Variants in CTNNA3 observed in about 807,000 individuals in gnomAD.
The protein encoded by CTNNA3 is catenin alpha-3.
CTNNA3 carries 76 observed loss-of-function variants against 95.7 expected under a neutral mutation model. The observed-to-expected ratio is 0.79, with a 90% CI of 0.66 to 0.96. CTNNA3 has a LOEUF of 0.96. CTNNA3 is among the 40% of genes least tolerant of loss of function. The probability of loss-of-function intolerance (pLI) is 0.00; values close to 1 mark genes in which losing one functional copy is unlikely to be tolerated. For missense variants in CTNNA3, 1,191 were observed against 1,089.8 expected, an observed-to-expected ratio of 1.09 and a Z score of -1.31; for synonymous variants, 431 against 374.4, an observed-to-expected ratio of 1.15 and a Z score of -1.74.
intron 11 of CTNNA3, among the ~76,000 whole-genome samples, chr10:66,416,270 T>A (rs533822568): frequency 4.8e-4 from 72 of 150,542 alleles, no homozygotes; most frequent in African/African-American, 1.4e-3. Flanking sequence ...ACACATTTTT[T>A]AAAAAAAAAG....
chr10:66,068,989 C>G (rs546212134), intron 15 of CTNNA3, among the ~76,000 whole-genome samples: 1 of 152,078 alleles, frequency 6.6e-6, no homozygotes, highest in Non-Finnish European at 1.5e-5. Context: ...CCAATACCAG[C>G]GAATCACTTG....
intron 7 of CTNNA3, among the ~76,000 whole-genome samples, chr10:66,871,452 C>T (rs1371071937): frequency 6.6e-6 from 1 of 151,184 alleles, no homozygotes; most frequent in Non-Finnish European, 1.5e-5. Context: ...ATCCCAGCTA[C>T]TCGGGAGGCT....
intron 11 of CTNNA3, among the ~76,000 whole-genome samples, chr10:66,397,128 T>C (rs541769740): frequency 1.3e-5 from 2 of 151,808 alleles, no homozygotes; most frequent in East Asian, 3.9e-4. Flanking sequence ...AAACTCCTAA[T>C]TGTAGTTTTC....
chr10:67,072,942 T>C (rs1000580851), intron 7 of CTNNA3, among the ~76,000 whole-genome samples: 7 of 151,434 alleles, frequency 4.6e-5, no homozygotes, highest in Non-Finnish European at 7.4e-5. Flanking sequence ...TGGAGAAAGA[T>C]GTGTGTTTTA....
chr10:66,150,257 C>A (rs997944558), intron 13 of CTNNA3, among the ~76,000 whole-genome samples: 2 of 152,138 alleles, frequency 1.3e-5, no homozygotes, highest in Non-Finnish European at 2.9e-5. Context: ...TCTGCACAAG[C>A]TCTCTTTGCC....
intron 7 of CTNNA3, among the ~76,000 whole-genome samples, chr10:66,975,914 T>C (rs1432999807): frequency 6.6e-6 from 1 of 152,246 alleles, no homozygotes; most frequent in Non-Finnish European, 1.5e-5. Context: ...TAGGAAAATA[T>C]ATAAAAGTCA....
intron 11 of CTNNA3, among the ~76,000 whole-genome samples, chr10:66,404,073 C>A (rs1377971085): frequency 2.0e-5 from 3 of 151,980 alleles, no homozygotes; most frequent in Non-Finnish European, 4.4e-5. Context: ...TACTGTAGAA[C>A]CTCAGATTTT....
rs1431423273 is a variant in CTNNA3 at position 67,238,874 on chromosome 10, T to C, written c.580-19004A>G. On this transcript the variant is annotated intron_variant, in intron 5 of 17. Coordinates refer to ENST00000433211, the MANE Select transcript of CTNNA3 (RefSeq NM_013266.4). ...CTTACTTATTTTATACCTCATTATC[T>C]AGTAGTATACAGCACATATTAGGAG... 2.0e-5 allele frequency among the ~76,000 whole-genome samples: 3 copies of C among 152,166 alleles called. No individual in the cohort carries two copies. The East Asian group carries it at 5.8e-4, about 29-fold the overall frequency.
intron 11 of CTNNA3, among the ~76,000 whole-genome samples, chr10:66,418,712 AAG>A (rs1244675628): frequency 6.1e-5 from 5 of 82,452 alleles, no homozygotes; most frequent in African/African-American, 1.3e-4. Flanking sequence ...CAAGGGACAC[AAG>A]GATGTTCAAG....
chr10:66,147,430 T>C (rs1056768872), intron 13 of CTNNA3, among the ~76,000 whole-genome samples: 2 of 152,072 alleles, frequency 1.3e-5, no homozygotes, highest in African/African-American at 4.8e-5. Context: ...CAAAATGATA[T>C]GATATATAGT....
At chr10:67,716,535 T>C (rs138171806) in intron 1 of CTNNA3, among the ~76,000 whole-genome samples, 36 of 152,310 alleles carry the variant, frequency 2.4e-4, no homozygotes, top group African/African-American at 8.7e-4. Context: ...TGTATTCTCA[T>C]TGTTCAATTC....
intron 14 of CTNNA3, among the ~76,000 whole-genome samples, chr10:66,082,530 A>C (rs1317798183): frequency 6.6e-6 from 1 of 152,130 alleles, no homozygotes; most frequent in Non-Finnish European, 1.5e-5. Flanking sequence ...ACAGAAAAAG[A>C]ATATAGGTGG....
At chr10:66,320,608 T>G (rs1031515390) in intron 12 of CTNNA3, among the ~76,000 whole-genome samples, 1 of 152,102 alleles carries the variant, frequency 6.6e-6, no homozygotes, top group African/African-American at 2.4e-5. Context: ...AGGACTTTGG[T>G]GCAGGTCTTG....
At chr10:66,442,553 C>G (rs2093382714) in intron 11 of CTNNA3, among the ~76,000 whole-genome samples, 1 of 152,070 alleles carries the variant, frequency 6.6e-6, no homozygotes, top group Non-Finnish European at 1.5e-5. Flanking sequence ...ATGAAACAAG[C>G]AAGTTTTTTC....
At chr10:66,237,107 T>C (rs1004216806) in intron 13 of CTNNA3, among the ~76,000 whole-genome samples, 3 of 152,056 alleles carry the variant, frequency 2.0e-5, no homozygotes, top group Admixed American at 6.6e-5. Context: ...CAGAGCAAGG[T>C]CATGTCTGAA....
chr10:67,703,131 T>A (rs2133604777), intron 1 of CTNNA3, among the ~76,000 whole-genome samples: 1 of 152,242 alleles, frequency 6.6e-6, no homozygotes, highest in Admixed American at 6.5e-5. Context: ...GTGGCAACAA[T>A]CAATAGCTTA....
chr10:67,280,428 G>A (rs1195735495), intron 5 of CTNNA3, among the ~76,000 whole-genome samples: 1 of 138,752 alleles, frequency 7.2e-6, no homozygotes, highest in African/African-American at 2.8e-5. Context: ...TAAAATCCAG[G>A]TTCTTGTCTC....
chr10:67,677,848 T>G (rs961689954), intron 1 of CTNNA3, among the ~76,000 whole-genome samples: 5 of 152,094 alleles, frequency 3.3e-5, no homozygotes, highest in Non-Finnish European at 5.9e-5. Context: ...TGTGTCTCTT[T>G]TAGAAAGGTG....
At chr10:66,885,453 C>A (rs1359240149) in intron 7 of CTNNA3, among the ~76,000 whole-genome samples, 1 of 152,072 alleles carries the variant, frequency 6.6e-6, no homozygotes, top group Non-Finnish European at 1.5e-5. Flanking sequence ...CTTTGAGATT[C>A]CATTATTCGC....
Sources: gnomAD v4.1 joint callset for allele counts (sites outside exome capture counted in the v4.1 genomes callset) on GRCh38, gnomAD v4.1.1 for gene constraint, MANE v1.5 for transcripts, NCBI Gene and HGNC (gene_info 2026-07-23, HGNC 2026-07-21) for gene names.